Variants in CACUL1 observed in about 807,000 individuals in gnomAD.
CACUL1 encodes CDK2-associated and cullin domain-containing protein 1.
CACUL1 carries 13 observed loss-of-function variants against 45.2 expected under a neutral mutation model. The observed-to-expected ratio is 0.29, with a 90% CI of 0.19 to 0.46. The LOEUF is 0.46. Ranked by LOEUF, CACUL1 falls within the 20% of genes least tolerant of loss-of-function variation. CACUL1 has a pLI of 1.00. For missense variants in CACUL1, 421 were observed against 471.4 expected (o/e 0.89, Z 0.99); for synonymous variants, 197 against 174.2 (o/e 1.13, Z -1.03).
chr10:118,700,893 T>C (rs1350894063), intron 5 of CACUL1, among the ~76,000 whole-genome samples: 1 of 152,188 alleles, frequency 6.6e-6, no homozygotes, highest in Non-Finnish European at 1.5e-5. Context: ...AGAACCAGAC[T>C]AGAGAAGAGT....
At chr10:118,753,327 C>T (rs4752198) in intron 1 of CACUL1, among the ~76,000 whole-genome samples, 86,137 of 152,180 alleles carry the variant, frequency 0.57, 25,702 homozygotes, top group Non-Finnish European at 0.68. Context: ...GTGTAAGATT[C>T]CGACTATCTG....
chr10:118,720,984 A>G (rs1039270274), intron 3 of CACUL1, among the ~76,000 whole-genome samples: 2 of 152,240 alleles, frequency 1.3e-5, no homozygotes, highest in Non-Finnish European at 2.9e-5. Flanking sequence ...GCTATTTACC[A>G]GTTGCAATAT....
In CACUL1 at chr10:118,678,937, T is replaced by C. The variant is rs1184261662; in HGVS notation, c.*7191A>G. ...TTTAGTCTCTGCAAGATCTATTAAT[T>C]ACTGAGAGGGGTATGTTGAAAATGC... On this transcript the variant is annotated 3_prime_UTR_variant, in exon 9 of 9. Transcript: ENST00000369151. 1.3e-5 allele frequency: 2 copies of C among 152,244 alleles called. No individual in the cohort carries two copies. Among genetic ancestry groups the C allele is most frequent in the Admixed American group, 6.5e-5 (1 of 15,288 alleles). The allele number at this position is 152,244 out of a possible 1,614,324, so 9.4% of individuals were successfully genotyped here. A position where few individuals can be genotyped will look rare whatever the true frequency, so the allele number is the denominator to read the frequency against.
In CACUL1 at chr10:118,685,064, T is replaced by C. The variant is rs1346498022; in HGVS notation, c.*1064A>G. 14 of 152,170 alleles carry C rather than the reference T, an allele frequency of 9.2e-5. No homozygotes were observed. The highest frequency in any genetic ancestry group is 1.5e-5 in the Non-Finnish European group (1 of 68,028). The allele number at this position is 152,170 out of a possible 1,614,324, so 9.4% of individuals were successfully genotyped here. ...TTCCCTATCACACTCAAATATAATG[T>C]TCAAATGACAGACTTTTTTTAAGTA... On this transcript the variant is annotated 3_prime_UTR_variant, in exon 9 of 9. Transcript: ENST00000369151.
chr10:118,699,096 A>G (rs1378888891), intron 5 of CACUL1, among the ~76,000 whole-genome samples: 4 of 152,194 alleles, frequency 2.6e-5, no homozygotes, highest in African/African-American at 9.6e-5. Flanking sequence ...CTTGTAAAAT[A>G]TAGGTCCTAC....
intron 1 of CACUL1, among the ~76,000 whole-genome samples, chr10:118,747,924 A>G (rs752915277): frequency 2.6e-5 from 4 of 152,134 alleles, no homozygotes; most frequent in Non-Finnish European, 5.9e-5. Flanking sequence ...ATCCCTACTA[A>G]AAACACAAAA....
At chr10:118,722,757 TG>T (rs1564835097) in intron 3 of CACUL1, among the ~76,000 whole-genome samples, 2 of 152,182 alleles carry the variant, frequency 1.3e-5, no homozygotes. Flanking sequence ...AGGTGGGGCT[TG>T]GACATCAGGA....
intron 3 of CACUL1, among the ~76,000 whole-genome samples, chr10:118,717,618 A>G (rs1037712324): frequency 3.3e-5 from 5 of 152,358 alleles, no homozygotes; most frequent in Non-Finnish European, 7.3e-5. Flanking sequence ...CCTCTAAAAA[A>G]AAATAAAGGA....
At chr10:118,706,221 ATGC>A (rs1482386928) in intron 4 of CACUL1, among the ~76,000 whole-genome samples, 1 of 152,236 alleles carries the variant, frequency 6.6e-6, no homozygotes, top group Non-Finnish European at 1.5e-5. Flanking sequence ...CCTAACCAAC[ATGC>A]TTATCTGGTA....
intron 1 of CACUL1, among the ~76,000 whole-genome samples, chr10:118,732,725 C>A (rs114955131): frequency 1.2e-3 from 190 of 152,248 alleles, no homozygotes; most frequent in African/African-American, 4.3e-3. Context: ...GGCTTCCTTA[C>A]CTTCCCTGCC....
intron 1 of CACUL1, among the ~76,000 whole-genome samples, chr10:118,747,977 C>T (rs1237200238): frequency 6.6e-6 from 1 of 151,964 alleles, no homozygotes; most frequent in Non-Finnish European, 1.5e-5. Flanking sequence ...CCCAGCTGCT[C>T]GGGAGGCTGA....
chr10:118,754,428 G>A lies in CACUL1; in HGVS notation c.335C>T (p.Thr112Ile). 6.3e-7 allele frequency: 1 copy of A among 1,597,946 alleles called. No homozygotes were observed. The highest frequency in any genetic ancestry group is 8.5e-7 in the Non-Finnish European group (1 of 1,173,222). Residue 112 changes from threonine to isoleucine, a missense_variant, in exon 1 of 9, where the codon ACC becomes ATC. By Grantham distance (89) the Thr-to-Ile change is moderately conservative. This residue lies in a region of CACUL1 where 213 missense variants were observed against 173.1 expected (regional missense o/e 1.23). Transcript: ENST00000369151. ...KAAPAPTASS[T>I]ININTSTSKF... Reference sequence around the variant, plus strand: ...GGAGGTGGAGGTGTTGATGTTGATGGTGGAGCTGGCGGTGGGGGCGGGGGC... The same window carrying A: ...GGAGGTGGAGGTGTTGATGTTGATGATGGAGCTGGCGGTGGGGGCGGGGGC...
rs896579147 is a variant in CACUL1, at chr10:118,686,111, C to T, written c.*17G>A. 5 of 1,601,454 alleles carry T rather than the reference C, an allele frequency of 3.1e-6. No individual in the cohort carries two copies. The highest frequency in any genetic ancestry group is 3.4e-6 in the Non-Finnish European group (4 of 1,168,730). The stretch of plus-strand genomic sequence containing the variant: ...TGTGTCCTCTTTTCAGGAAGGAAAG[C>T]ATATTCAATACATTCACTATCTGTA... On this transcript the variant is annotated 3_prime_UTR_variant, in exon 9 of 9. Transcript: ENST00000369151.
At position 118,754,871 on chromosome 10, in the gene CACUL1, G is replaced by A. The variant is rs1422642157; in HGVS notation, c.-109C>T. ...GAGTTACATCGCCGGCGGCAGGAAT[G>A]GGCGCAGCGGAGAGGGCTGCGGTGC... On this transcript the variant is annotated 5_prime_UTR_variant, in exon 1 of 9. Transcript: ENST00000369151. The A allele has an allele frequency of 1.4e-5, 20 of 1,428,982 alleles. No individual in the cohort carries two copies. The African/African-American group carries it at 2.2e-4, about 16-fold the overall frequency. The allele number at this position is 1,428,982 out of a possible 1,614,324, so 88.5% of individuals were successfully genotyped here. A position where few individuals can be genotyped will look rare whatever the true frequency, so the allele number is the denominator to read the frequency against.
intron 3 of CACUL1, among the ~76,000 whole-genome samples, chr10:118,718,697 C>T (rs1366457279): frequency 2.6e-5 from 4 of 152,182 alleles, no homozygotes. Flanking sequence ...TGCCTCAGCC[C>T]CAAGTACCTG....
chr10:118,753,515 C>T (rs1845919213), intron 1 of CACUL1, among the ~76,000 whole-genome samples: 1 of 152,230 alleles, frequency 6.6e-6, no homozygotes, highest in Admixed American at 6.5e-5. Flanking sequence ...CCTATCACCA[C>T]CACCACCGCC....
At chr10:118,744,898 C>A (rs1289470084) in intron 1 of CACUL1, among the ~76,000 whole-genome samples, 2 of 152,132 alleles carry the variant, frequency 1.3e-5, no homozygotes, top group African/African-American at 4.8e-5. Context: ...TTGTGATTCA[C>A]CCACCTCAGC....
In CACUL1 at chr10:118,678,082, T is replaced by C. The variant is rs1272085724; in HGVS notation, c.*8046A>G. ...TGCATTACCTGACGACTAATGAGGCTGAACATCTTTTCACATTTATGGGCC... is the reference window on the plus strand; with the variant it reads ...TGCATTACCTGACGACTAATGAGGCCGAACATCTTTTCACATTTATGGGCC... On this transcript the variant is annotated 3_prime_UTR_variant, in exon 9 of 9. Coordinates refer to ENST00000369151, the MANE Select transcript of CACUL1 (RefSeq NM_153810.5). The C allele has an allele frequency of 6.6e-6, 1 of 152,240 alleles. No homozygotes were observed. Among genetic ancestry groups the C allele is most frequent in the Non-Finnish European group, 1.5e-5 (1 of 68,040 alleles). The allele number at this position is 152,240 out of a possible 1,614,324, so 9.4% of individuals were successfully genotyped here. A position where few individuals can be genotyped will look rare whatever the true frequency, so the allele number is the denominator to read the frequency against.
rs746068767 is a variant in CACUL1, at chr10:118,677,094, T to C, written c.*9034A>G. 3.9e-5 allele frequency: 6 copies of C among 152,232 alleles called. No homozygotes were observed. The highest frequency in any genetic ancestry group is 8.8e-5 in the Non-Finnish European group (6 of 68,046). 9.4% of individuals were successfully genotyped at this position (152,232 alleles called of 1,614,324 possible). On this transcript the variant is annotated 3_prime_UTR_variant, in exon 9 of 9. Transcript: ENST00000369151. ...AATGTTCTCTAATTATACCAGCACCTTTCATAAAATAATTGACCATGGACA... is the reference window on the plus strand; with the variant it reads ...AATGTTCTCTAATTATACCAGCACCCTTCATAAAATAATTGACCATGGACA...
Sources: gnomAD v4.1 joint callset for allele counts (sites outside exome capture counted in the v4.1 genomes callset) on GRCh38, gnomAD v4.1.1 for gene constraint, gnomAD v4.1.1 regional missense constraint, MANE v1.5 for transcripts, NCBI Gene and HGNC (gene_info 2026-07-23, HGNC 2026-07-21) for gene names.